PXDN: variants seen among roughly 807,000 people sequenced by gnomAD.
PXDN encodes the protein peroxidasin, also known as peroxidasin homolog.
PXDN carries 77 observed loss-of-function variants against 140.3 expected under a neutral mutation model. The ratio of observed to expected loss-of-function variants is 0.55; its 90% CI spans 0.46 to 0.66. The LOEUF is 0.66. PXDN is among the 30% of genes least tolerant of loss of function. The pLI, the probability that PXDN is intolerant of heterozygous loss-of-function variation, is 0.00. For synonymous variants in PXDN, 911 were observed against 857.4 expected (o/e 1.06, Z -1.09); for missense variants, 1,838 against 2,039.5 (o/e 0.90, Z 1.90).
At chr2:1,669,427 C>G (rs892352413) in intron 9 of PXDN, among the ~76,000 whole-genome samples, 2 of 152,152 alleles carry the variant, frequency 1.3e-5, no homozygotes, top group African/African-American at 4.8e-5. Context: ...ATGTAACATA[C>G]GTGCACATTC....
intron 1 of PXDN, among the ~76,000 whole-genome samples, chr2:1,709,719 C>T (rs373952861): frequency 1.0e-3 from 158 of 152,306 alleles, no homozygotes; most frequent in African/African-American, 3.0e-3. Flanking sequence ...TTGGAGGCCA[C>T]GCACTTTAGA....
Position 1,677,160 on chromosome 2 carries a change from A to G in PXDN, c.731-116T>C, listed in dbSNP as rs527541907. On this transcript the variant is annotated intron_variant, in intron 7 of 22. Transcript: ENST00000252804. ...GGAAACCACAGATGCCCAAAGGTGT[A>G]ATTCAGCCACAAACATCCCCCACAA... The G allele has an allele frequency of 5.4e-6, 5 of 921,604 alleles. No individual in the cohort carries two copies. In the African/African-American group the frequency reaches 6.7e-5, roughly 12 times the overall value. The allele number at this position is 921,604 out of a possible 1,614,324, so 57.1% of individuals were successfully genotyped here. A position where few individuals can be genotyped will look rare whatever the true frequency, so the allele number is the denominator to read the frequency against.
Position 1,637,768 on chromosome 2 carries a change from C to T in PXDN, c.4206+1078G>A, listed in dbSNP as rs370193994. On this transcript the variant is annotated intron_variant, in intron 21 of 22. Coordinates refer to ENST00000252804, the MANE Select transcript of PXDN (RefSeq NM_012293.3). ...TGTGGAGGGAGGAGGACCTGCCACA[C>T]GCTGTCCACTCTGACAGCTGCCTGG... 2.9e-4 allele frequency among the ~76,000 whole-genome samples: 43 copies of T among 149,652 alleles called. No homozygotes were observed. The East Asian group carries it at 5.9e-3, about 20-fold the overall frequency.
chr2:1,679,089 T>TGC (rs1491230087), intron 7 of PXDN, among the ~76,000 whole-genome samples: 1 of 17,146 alleles, frequency 5.8e-5, no homozygotes, highest in Non-Finnish European at 1.0e-4. Context: ...TGTGCATGCA[T>TGC]GTGTGTGTGT....
chr2:1,658,031 T>TCGCTCTCTCGCTCG (rs1194597994), intron 14 of PXDN, among the ~76,000 whole-genome samples: 3 of 2,640 alleles, frequency 1.1e-3, no homozygotes, highest in African/African-American at 1.9e-3. Context: ...CTGTGGGCTC[T>TCGCTCTCTCGCTCG]CTCTCTCTCT....
At chr2:1,716,277 A>C (rs1484048013) in intron 1 of PXDN, among the ~76,000 whole-genome samples, 1 of 151,922 alleles carries the variant, frequency 6.6e-6, no homozygotes, top group Non-Finnish European at 1.5e-5. Flanking sequence ...ATCTCTTATA[A>C]AAATACAAAA....
intron 1 of PXDN, 125 bp downstream of exon 1, chr2:1,744,131 C>T: frequency 8.5e-6 from 9 of 1,060,764 alleles, no homozygotes; most frequent in Non-Finnish European, 1.1e-5. Context: ...TCCCAAGTCC[C>T]CAGGCCCCCC....
chr2:1,664,639 T>G (rs750439215), intron 11 of PXDN: 42 of 279,134 alleles, frequency 1.5e-4, no homozygotes, highest in African/African-American at 8.2e-4. Flanking sequence ...AAGAGGCTAC[T>G]TAAAAGCACA....
At chr2:1,650,483 A>C (rs1409592512) in intron 16 of PXDN, among the ~76,000 whole-genome samples, 1 of 152,178 alleles carries the variant, frequency 6.6e-6, no homozygotes, top group Non-Finnish European at 1.5e-5. Context: ...TCCACAGATG[A>C]AAGAGATCTT....
chr2:1,702,120 C>G (rs116643878), intron 1 of PXDN, among the ~76,000 whole-genome samples: 2,587 of 152,332 alleles, frequency 0.017, 70 homozygotes, highest in African/African-American at 0.055. Context: ...TGGCCCTCAG[C>G]TAAAGAAACC....
In PXDN at chr2:1,649,341, C is replaced by T. The variant is rs1682953225; in HGVS notation, c.2439G>A (p.Gln813=). The T allele has an allele frequency of 1.2e-6, 2 of 1,613,896 alleles. No homozygotes were observed. The highest frequency in any genetic ancestry group is 1.7e-6 in the Non-Finnish European group (2 of 1,179,880). Residue 813 remains glutamine, a synonymous_variant, in exon 17 of 23, where the codon CAG becomes CAA. Coordinates refer to ENST00000252804, the MANE Select transcript of PXDN (RefSeq NM_012293.3). This position sits in a 1 kb window ranked among gnomAD's most constrained non-coding sequence, Gnocchi z 7.1. ...IGTETVTPDE[Q]FTHMLMQWGQ... is the part of the protein sequence containing the mutation. Reference sequence around the variant, plus strand: ...CCCACTGCATCAGCATGTGGGTGAACTGCTCGTCGGGTGTGACGGTCTCCG... The same window carrying T: ...CCCACTGCATCAGCATGTGGGTGAATTGCTCGTCGGGTGTGACGGTCTCCG...
At chr2:1,699,266 A>C (rs1349349779) in intron 1 of PXDN, among the ~76,000 whole-genome samples, 1 of 152,264 alleles carries the variant, frequency 6.6e-6, no homozygotes, top group Non-Finnish European at 1.5e-5. Context: ...ATCATGCCAA[A>C]GTTATGAATT....
At chr2:1,744,142 G>A in intron 1 of PXDN, 114 bp downstream of exon 1, 1 of 924,684 alleles carries the variant, frequency 1.1e-6, no homozygotes, top group Non-Finnish European at 1.4e-6. Flanking sequence ...CAGGCCCCCC[G>A]CGCGCCCGAT....
chr2:1,716,789 C>G (rs1035332913), intron 1 of PXDN, among the ~76,000 whole-genome samples: 1 of 152,220 alleles, frequency 6.6e-6, no homozygotes, highest in African/African-American at 2.4e-5. Flanking sequence ...CCAGACACAC[C>G]TGTTTGACCC....
At chr2:1,742,760 A>G (rs1445899157) in intron 1 of PXDN, among the ~76,000 whole-genome samples, 1 of 152,106 alleles carries the variant, frequency 6.6e-6, no homozygotes, top group East Asian at 1.9e-4. Flanking sequence ...CTGACCATTC[A>G]CGGGCTCTGG....
intron 9 of PXDN, 57 bp downstream of exon 9, chr2:1,673,586 G>T: frequency 1.9e-6 from 3 of 1,553,018 alleles, no homozygotes; most frequent in Non-Finnish European, 2.6e-6. Flanking sequence ...GGAGAAGGCA[G>T]ATAGTGAGGG....
chr2:1,739,157 G>A (rs1037797660), intron 1 of PXDN, among the ~76,000 whole-genome samples: 27 of 152,112 alleles, frequency 1.8e-4, no homozygotes, highest in African/African-American at 4.3e-4. Context: ...GAAAACTGGC[G>A]TGCCACACAG....
rs567025916 is a variant in PXDN, at chr2:1,715,419, T to C, written c.201-22285A>G. Among the ~76,000 whole-genome samples, 68 of 152,280 alleles carry C rather than the reference T, an allele frequency of 4.5e-4. No individual in the cohort carries two copies. The Middle Eastern group carries it at 0.02, about 46-fold the overall frequency. On this transcript the variant is annotated intron_variant, in intron 1 of 22. Coordinates refer to ENST00000252804, the MANE Select transcript of PXDN (RefSeq NM_012293.3). Reference sequence around the variant, plus strand: ...CGGGAGCCAATTCCCAGCAGAATCATGCAAATGAAATCCCAGATGAAGAGA... The same window carrying C: ...CGGGAGCCAATTCCCAGCAGAATCACGCAAATGAAATCCCAGATGAAGAGA...
At position 1,660,861 on chromosome 2, in the gene PXDN, G is replaced by T; in HGVS notation, c.1837+20C>A. On this transcript the variant is annotated intron_variant, in intron 14 of 22. Transcript: ENST00000252804. This position sits in a 1 kb window ranked among gnomAD's most constrained non-coding sequence, Gnocchi z 4.6. ...CTTTGTGGATACCATGTGGGTAGAT[G>T]TGGGCATGTGGCATCTTACCATTCA... The T allele has an allele frequency of 1.9e-6, 3 of 1,601,380 alleles. No homozygotes were observed. Among genetic ancestry groups the T allele is most frequent in the Non-Finnish European group, 2.6e-6 (3 of 1,171,658 alleles).
Sources: allele counts gnomAD v4.1 joint callset (sites outside exome capture counted in the v4.1 genomes callset), GRCh38; gene constraint gnomAD v4.1.1; non-coding constraint Gnocchi (gnomAD v3.1); transcripts MANE v1.5; gene names NCBI Gene and HGNC (gene_info 2026-07-23, HGNC 2026-07-21).